The following SRCAP variants were observed in gnomAD, a reference collection of about 807,000 sequenced individuals.
The protein encoded by SRCAP is Snf2 related CREBBP activator protein, also known as chromatin remodeling protein SRCAP.
A neutral mutation model predicts 263.1 loss-of-function variants in SRCAP; 46 were observed. That is an observed-to-expected ratio of 0.17 (90% CI 0.14 to 0.22). The LOEUF (loss-of-function observed/expected upper bound fraction) is 0.22. Ranked by LOEUF, SRCAP falls within the 10% of genes least tolerant of loss-of-function variation. SRCAP has a pLI of 1.00. For missense variants in SRCAP, 3,695 were observed against 4,181.9 expected, an observed-to-expected ratio of 0.88 and a Z score of 3.21; for synonymous variants, 1,813 against 1,662.1, an observed-to-expected ratio of 1.09 and a Z score of -2.21.
At chr16:30,713,433 G>A (rs1257421908) in intron 15 of SRCAP, 56 bp downstream of exon 15, 1 of 1,611,746 alleles carries the variant, frequency 6.2e-7, no homozygotes, top group African/African-American at 1.3e-5. Context: ...AGGGAGGGCT[G>A]CCTGGGTTGA....
intron 6 of SRCAP, among the ~76,000 whole-genome samples, chr16:30,708,077 C>A (rs116048689): frequency 0.013 from 1,980 of 152,318 alleles, 38 homozygotes; most frequent in African/African-American, 0.043. Flanking sequence ...TTCGGTCTTG[C>A]CTCCTGCCAT....
chr16:30,700,888 T>C lies in SRCAP; in HGVS notation c.54+10T>C. On this transcript the variant is annotated intron_variant, in intron 3 of 33. Coordinates refer to ENST00000262518, the MANE Select transcript of SRCAP (RefSeq NM_006662.3). ...AGTCCTACAGACACAGGTTTGAAAG[T>C]GGGAAGAGTTCCTTCTCTGCTTCTG... 1 of 1,614,016 alleles carries C rather than the reference T, an allele frequency of 6.2e-7. No homozygotes were observed. The highest frequency in any genetic ancestry group is 1.1e-5 in the South Asian group (1 of 91,086).
intron 6 of SRCAP, among the ~76,000 whole-genome samples, chr16:30,709,162 A>G (rs1332000975): frequency 6.6e-6 from 1 of 151,984 alleles, no homozygotes; most frequent in African/African-American, 2.4e-5. Flanking sequence ...GGGTGTGGTG[A>G]TGCATGCCTG....
intron 3 of SRCAP, among the ~76,000 whole-genome samples, chr16:30,701,718 C>T (rs1487928793): frequency 5.9e-5 from 9 of 151,634 alleles, no homozygotes; most frequent in Admixed American, 5.9e-4. Flanking sequence ...CAACCTCCGC[C>T]TCCTGATTTC....
In SRCAP at chr16:30,709,364, G is replaced by A. The variant is rs568310794; in HGVS notation, c.634-149G>A. The stretch of plus-strand genomic sequence containing the variant: ...GCATGCTCCCTTTGTGCTTCCTTTA[G>A]ACCATAGTGAGCCCCTAAGGTTATT... On this transcript the variant is annotated intron_variant, in intron 6 of 33. Coordinates refer to ENST00000262518, the MANE Select transcript of SRCAP (RefSeq NM_006662.3). 6.7e-6 allele frequency: 5 copies of A among 749,762 alleles called. No homozygotes were observed. In the East Asian group the frequency reaches 1.1e-4, roughly 16 times the overall value. The allele number at this position is 749,762 out of a possible 1,614,324, so 46.4% of individuals were successfully genotyped here.
At chr16:30,734,676 T>C in intron 31 of SRCAP, 61 bp downstream of exon 31, 2 of 1,608,960 alleles carry the variant, frequency 1.2e-6, no homozygotes, top group Non-Finnish European at 1.7e-6. Context: ...TCTTGTCTTT[T>C]GTTAGTCTGT....
At position 30,723,911 on chromosome 16, in the gene SRCAP, C is replaced by G; in HGVS notation, c.4487C>G (p.Ser1496Cys). The change falls in exon 25 of 34, where the codon TCT becomes TGT. Residue 1496 changes from serine (S) to cysteine (C), a missense_variant. By Grantham distance (112) the Ser-to-Cys change is moderately radical. This residue lies in a region of SRCAP where 1,347 missense variants were observed against 1,304.4 expected (regional missense o/e 1.03). Coordinates refer to ENST00000262518, the MANE Select transcript of SRCAP (RefSeq NM_006662.3). Reference sequence around the variant, plus strand: ...CCTGGACCTCCCTCCTTGGCACCATCTGGTGCTTCCCCGTCAGCATCAGCC... The same window carrying G: ...CCTGGACCTCCCTCCTTGGCACCATGTGGTGCTTCCCCGTCAGCATCAGCC... ...AAPGPPSLAP[S>C]GASPSASALT... 1 of 1,614,174 alleles carries G rather than the reference C, an allele frequency of 6.2e-7. No individual in the cohort carries two copies. Among genetic ancestry groups the G allele is most frequent in the Non-Finnish European group, 8.5e-7 (1 of 1,180,036 alleles).
At chr16:30,717,695 C>T (rs1302731050) in intron 18 of SRCAP, among the ~76,000 whole-genome samples, 1 of 141,710 alleles carries the variant, frequency 7.1e-6, no homozygotes, top group Non-Finnish European at 1.5e-5. Context: ...TTACTGCAAC[C>T]TCCGCCTCCC....
chr16:30,737,131 C>T lies in SRCAP; in HGVS notation c.7091C>T (p.Pro2364Leu), dbSNP rs1189389984. 6.8e-6 allele frequency: 11 copies of T among 1,613,596 alleles called. No individual in the cohort carries two copies. Among genetic ancestry groups the T allele is most frequent in the Non-Finnish European group, 8.5e-6 (10 of 1,179,826 alleles). ...CTACCCCAAGAGGAGGAGGAGGGGC[C>T]GGGGGCTGGGGATGAGAGTTCCTGT... is the stretch of plus-strand genomic sequence containing the variant. ...FRLPQEEEEG[P>L]GAGDESSCGT... The change falls in exon 34 of 34, where the codon CCG (proline) becomes CTG (leucine). Residue 2364 changes from proline (P) to leucine (L), a missense_variant. Transcript: ENST00000262518.
intron 27 of SRCAP, among the ~76,000 whole-genome samples, chr16:30,731,236 G>A (rs1364030138): frequency 3.3e-5 from 5 of 152,134 alleles, no homozygotes; most frequent in Non-Finnish European, 7.4e-5. Flanking sequence ...CACTGACAAA[G>A]GGGAATAGCA....
At chr16:30,722,075 T>G (rs375857588) in intron 21 of SRCAP, 47 bp from the exon 22 acceptor site, 9 of 1,583,776 alleles carry the variant, frequency 5.7e-6, no homozygotes, top group Admixed American at 1.7e-5. Context: ...TGAAGTGGTG[T>G]TGAGCAGGAT....
At chr16:30,714,241 T>C (rs557742161) in intron 16 of SRCAP, among the ~76,000 whole-genome samples, 4 of 152,088 alleles carry the variant, frequency 2.6e-5, no homozygotes, top group African/African-American at 9.6e-5. Context: ...ATTTTTTGTA[T>C]TTTTAGTAGA....
chr16:30,720,644 C>G (rs2053002198), intron 19 of SRCAP, 69 bp from the exon 20 acceptor site: 3 of 1,463,108 alleles, frequency 2.1e-6, no homozygotes, highest in Non-Finnish European at 2.8e-6. Flanking sequence ...TCATTTTCTT[C>G]TTTTCTTTGA....
chr16:30,702,244 G>A (rs1246811943), intron 3 of SRCAP, among the ~76,000 whole-genome samples: 4 of 150,930 alleles, frequency 2.7e-5, no homozygotes, highest in South Asian at 2.1e-4. Flanking sequence ...GTGAACCACC[G>A]CGCCTGGCCC....
At position 30,720,178 on chromosome 16, in the gene SRCAP, G is replaced by A. The variant is rs753967498; in HGVS notation, c.2834G>A (p.Arg945Gln). ...VHPLQRIDMG[R>Q]FDLIGLEGRV... is the part of the protein sequence containing the mutation. ...TTGTGGCAGCGGATAGACATGGGTC[G>A]ATTTGACCTTATTGGCCTGGAAGGT... The change falls in exon 19 of 34, where the codon CGA becomes CAA. Residue 945 changes from arginine (R) to glutamine (Q), a missense_variant. Physicochemically the swap from Arg to Gln is conservative, Grantham distance 43 (BLOSUM62 1). Transcript: ENST00000262518. 59 of 1,611,602 alleles carry A rather than the reference G, an allele frequency of 3.7e-5. No individual in the cohort carries two copies. Among genetic ancestry groups the A allele is most frequent in the Admixed American group, 5.0e-5 (3 of 59,932 alleles).
At chr16:30,720,500 G>A (rs891360806) in intron 19 of SRCAP, among the ~76,000 whole-genome samples, 169 bp downstream of exon 19, 1 of 152,172 alleles carries the variant, frequency 6.6e-6, no homozygotes, top group Non-Finnish European at 1.5e-5. Flanking sequence ...GAGGGTACTG[G>A]GATGGGCTTC....
At chr16:30,734,342 A>G in intron 30 of SRCAP, 154 bp from the exon 31 acceptor site, 1 of 1,219,234 alleles carries the variant, frequency 8.2e-7, no homozygotes, top group East Asian at 2.4e-5. Flanking sequence ...ACCGTCTCAA[A>G]AAAGAAAAAA....
At chr16:30,714,718 C>T (rs762484406) in intron 16 of SRCAP, among the ~76,000 whole-genome samples, 2 of 151,778 alleles carry the variant, frequency 1.3e-5, no homozygotes, top group Non-Finnish European at 2.9e-5. Flanking sequence ...CCAGGCTGGT[C>T]TCGAACTCCT....
At position 30,720,149 on chromosome 16, in the gene SRCAP, T is replaced by C. The variant is rs2052996335; in HGVS notation, c.2818-13T>C. The C allele has an allele frequency of 1.3e-6, 2 of 1,599,012 alleles. No individual in the cohort carries two copies. Among genetic ancestry groups the C allele is most frequent in the Non-Finnish European group, 1.7e-6 (2 of 1,167,508 alleles). ...TGTTCTTCTTTATGACTGTGCTTTC[T>C]TTCTTGTGGCAGCGGATAGACATGG... is the stretch of plus-strand genomic sequence containing the variant. On this transcript the variant is annotated splice_polypyrimidine_tract_variant and intron_variant, in intron 18 of 33. Transcript: ENST00000262518.
Sources: gnomAD v4.1 joint callset for allele counts (sites outside exome capture counted in the v4.1 genomes callset) on GRCh38, gnomAD v4.1.1 for gene constraint, gnomAD v4.1.1 regional missense constraint, MANE v1.5 for transcripts, NCBI Gene and HGNC (gene_info 2026-07-23, HGNC 2026-07-21) for gene names.